Variants in AK9 observed in about 807,000 individuals in gnomAD.
AK9 encodes the protein adenylate kinase 9.
A neutral mutation model predicts 239.6 loss-of-function variants in AK9; 191 were observed. The ratio of observed to expected loss-of-function variants is 0.80; its 90% CI spans 0.71 to 0.90. AK9 has a LOEUF of 0.90. AK9 is among the 40% of genes least tolerant of loss of function. The pLI, the probability that AK9 is intolerant of heterozygous loss-of-function variation, is 0.00. For synonymous variants in AK9, 689 were observed against 721.0 expected (o/e 0.96, Z 0.71); for missense variants, 1,995 against 2,214.7 (o/e 0.90, Z 1.99).
chr6:109,641,382 C>G, intron 10 of AK9, 136 bp downstream of exon 10: 6 of 299,200 alleles, frequency 2.0e-5, no homozygotes, highest in South Asian at 3.6e-5. Flanking sequence ...GAGATGGGTT[C>G]TGACTAGGTC....
intron 10 of AK9, among the ~76,000 whole-genome samples, chr6:109,641,028 G>A (rs1231104373): frequency 1.3e-5 from 2 of 151,616 alleles, no homozygotes; most frequent in African/African-American, 4.8e-5. Flanking sequence ...AACTTGTGTT[G>A]TGTCTAATAT....
intron 27 of AK9, among the ~76,000 whole-genome samples, chr6:109,537,750 A>C (rs1205039446): frequency 1.3e-5 from 2 of 152,036 alleles, no homozygotes; most frequent in Non-Finnish European, 2.9e-5. Flanking sequence ...TTAGTGCTAT[A>C]AATTTCCCTC....
chr6:109,618,706 T>C (rs887723599), intron 13 of AK9, among the ~76,000 whole-genome samples: 1 of 152,172 alleles, frequency 6.6e-6, no homozygotes, highest in Non-Finnish European at 1.5e-5. Context: ...AATAGAAAGA[T>C]TTAGTCACAA....
At chr6:109,671,059 A>G (rs1770812361) in intron 5 of AK9, among the ~76,000 whole-genome samples, 1 of 152,196 alleles carries the variant, frequency 6.6e-6, no homozygotes, top group Non-Finnish European at 1.5e-5. Flanking sequence ...CACATGAGCT[A>G]TATGAAAAGG....
intron 6 of AK9, chr6:109,660,829 G>A (rs1800324111): frequency 8.6e-6 from 3 of 349,012 alleles, no homozygotes; most frequent in East Asian, 6.6e-5. Context: ...TCTGGGGTAG[G>A]GCCTGAGAAT....
intron 17 of AK9, among the ~76,000 whole-genome samples, chr6:109,598,925 GT>G (rs538044110): frequency 0.085 from 12,892 of 151,962 alleles, 710 homozygotes; most frequent in Middle Eastern, 0.15. Context: ...GGGGTTGTTT[GT>G]TTTTTTCTTG....
intron 5 of AK9, among the ~76,000 whole-genome samples, chr6:109,665,789 A>T (rs966032731): frequency 6.6e-6 from 1 of 152,214 alleles, no homozygotes; most frequent in Non-Finnish European, 1.5e-5. Context: ...CAAAAGCAAC[A>T]GTATCTCCCT....
chr6:109,610,574 G>T (rs1793458210), intron 16 of AK9, 61 bp from the exon 17 acceptor site: 15 of 1,450,090 alleles, frequency 1.0e-5, no homozygotes, highest in Middle Eastern at 1.8e-4. Flanking sequence ...AATACTACTT[G>T]CAATAAAACA....
At chr6:109,634,033 G>A (rs74342038) in intron 10 of AK9, among the ~76,000 whole-genome samples, 4,374 of 152,212 alleles carry the variant, frequency 0.029, 99 homozygotes, top group East Asian at 0.11. Context: ...GAGAAAACTG[G>A]TGAGAGATGG....
At chr6:109,689,254 G>A (rs1773965314) in intron 1 of AK9, among the ~76,000 whole-genome samples, 1 of 152,134 alleles carries the variant, frequency 6.6e-6, no homozygotes, top group Non-Finnish European at 1.5e-5. Flanking sequence ...GAATTAGGGT[G>A]GCATGGTGTG....
Position 109,573,550 on chromosome 6 carries a change from C to CATGA in AK9, c.2235_2236insTCAT (p.Asp746SerfsTer2). On this transcript the variant is annotated frameshift_variant, in exon 21 of 41. Coordinates refer to ENST00000424296, the MANE Select transcript of AK9 (RefSeq NM_001145128.3). LOFTEE classifies it high-confidence loss of function. ...GGCTCTTCGTGAACTTCCAACTCAT[C>CATGA]ACCTTCAATCTCCTCTTCATCCTCA... is the stretch of plus-strand genomic sequence containing the variant. 3.9e-6 allele frequency: 6 copies of CATGA among 1,550,930 alleles called. No homozygotes were observed. The highest frequency in any genetic ancestry group is 4.4e-6 in the Non-Finnish European group (5 of 1,146,532).
At chr6:109,675,865 AC>A (rs1771649051) in intron 1 of AK9, 109 bp from the exon 2 acceptor site, 1 of 592,634 alleles carries the variant, frequency 1.7e-6, no homozygotes, top group Middle Eastern at 3.7e-4. Context: ...GTCATTTTGT[AC>A]CATTAAACAC....
intron 24 of AK9, among the ~76,000 whole-genome samples, chr6:109,561,728 G>A (rs1487766420): frequency 6.6e-6 from 1 of 151,992 alleles, no homozygotes; most frequent in African/African-American, 2.4e-5. Flanking sequence ...TGTGGCATAT[G>A]TTTTCTCCTT....
At chr6:109,494,130 C>T (rs369525950) in intron 39 of AK9, 35 bp from the exon 40 acceptor site, 108 of 1,507,554 alleles carry the variant, frequency 7.2e-5, no homozygotes, top group Non-Finnish European at 9.5e-5. Flanking sequence ...TCTGTGTATA[C>T]TTGAGTTTGG....
At chr6:109,615,898 G>T (rs1011501905) in intron 13 of AK9, among the ~76,000 whole-genome samples, 2 of 148,196 alleles carry the variant, frequency 1.3e-5, no homozygotes, top group Non-Finnish European at 3.0e-5. Context: ...TAAGAATGTA[G>T]GGGAAAAGTC....
At chr6:109,550,602 G>T in intron 24 of AK9, 1 of 207,918 alleles carries the variant, frequency 4.8e-6, no homozygotes, top group Non-Finnish European at 9.5e-6. Flanking sequence ...GTTGATGCTG[G>T]GTCATTGTGA....
At chr6:109,674,456 C>T (rs1298702206) in intron 2 of AK9, among the ~76,000 whole-genome samples, 195 bp from the exon 3 acceptor site, 1 of 152,104 alleles carries the variant, frequency 6.6e-6, no homozygotes, top group Non-Finnish European at 1.5e-5. Context: ...TGTCACATCT[C>T]CTAAAGTAAT....
At chr6:109,595,579 T>C (rs1355960931) in intron 17 of AK9, among the ~76,000 whole-genome samples, 2 of 152,158 alleles carry the variant, frequency 1.3e-5, no homozygotes, top group African/African-American at 4.8e-5. Flanking sequence ...ATATTCACAA[T>C]ACCCAAGACT....
intron 25 of AK9, among the ~76,000 whole-genome samples, chr6:109,549,145 G>T (rs1172489714): frequency 6.6e-6 from 1 of 152,170 alleles, no homozygotes; most frequent in Non-Finnish European, 1.5e-5. Context: ...AATGACTATT[G>T]TATAGCCATG....
Sources: gnomAD v4.1 joint callset for allele counts (sites outside exome capture counted in the v4.1 genomes callset) on GRCh38, gnomAD v4.1.1 for gene constraint, MANE v1.5 for transcripts, NCBI Gene and HGNC (gene_info 2026-07-23, HGNC 2026-07-21) for gene names.